NKAIN2: variants seen among roughly 807,000 people sequenced by gnomAD.
The protein encoded by NKAIN2 is sodium/potassium transporting ATPase interacting 2, also known as sodium/potassium-transporting ATPase subunit beta-1-interacting protein 2.
In NKAIN2, 14 loss-of-function variants were observed where a neutral mutation model predicts 32.6. The observed-to-expected ratio is 0.43, with a 90% CI of 0.28 to 0.67. NKAIN2 has a LOEUF of 0.67. NKAIN2 is among the 30% of genes least tolerant of loss of function. The probability of loss-of-function intolerance (pLI) is 0.17; values close to 1 mark genes in which losing one functional copy is unlikely to be tolerated. For missense variants in NKAIN2, 198 were observed against 258.3 expected (o/e 0.77, Z 1.60); for synonymous variants, 80 against 87.2 (o/e 0.92, Z 0.46).
In NKAIN2 at chr6:123,956,816, G is replaced by T. The variant is rs116653634; in HGVS notation, c.54+152562G>T. 6.2e-3 allele frequency among the ~76,000 whole-genome samples: 942 copies of T among 152,304 alleles called. 8 individuals carry two copies. The highest frequency in any genetic ancestry group is 0.022 in the African/African-American group (906 of 41,564). The stretch of plus-strand genomic sequence containing the variant: ...AGAAATGATATAGCATTTGTTGCAA[G>T]AGCTCAAGCTAGCCTCTCTGTGAAT... On this transcript the variant is annotated intron_variant, in intron 1 of 6. Coordinates refer to ENST00000368417, the MANE Select transcript of NKAIN2 (RefSeq NM_001040214.3).
At chr6:124,809,061 G>A (rs1352143379) in intron 5 of NKAIN2, among the ~76,000 whole-genome samples, 1 of 152,148 alleles carries the variant, frequency 6.6e-6, no homozygotes, top group Non-Finnish European at 1.5e-5. Flanking sequence ...TACTGCCCAA[G>A]GTAATTTACA....
intron 3 of NKAIN2, among the ~76,000 whole-genome samples, chr6:124,565,228 A>G (rs1780865475): frequency 6.6e-6 from 1 of 152,200 alleles, no homozygotes; most frequent in Admixed American, 6.5e-5. Flanking sequence ...AATGAGCACA[A>G]ACTAATTGGA....
chr6:123,980,162 A>G (rs1020634750), intron 1 of NKAIN2, among the ~76,000 whole-genome samples: 9 of 152,224 alleles, frequency 5.9e-5, no homozygotes, highest in Admixed American at 5.9e-4. Flanking sequence ...TATAGAAGCC[A>G]GAATTCTTCT....
At chr6:124,616,715 C>T (rs1042416036) in intron 3 of NKAIN2, among the ~76,000 whole-genome samples, 2 of 151,712 alleles carry the variant, frequency 1.3e-5, no homozygotes, top group Non-Finnish European at 2.9e-5. Flanking sequence ...CTACCCGCCT[C>T]GGCCTCCCAA....
At chr6:124,787,433 CA>C (rs1159234214) in intron 4 of NKAIN2, among the ~76,000 whole-genome samples, 1 of 151,648 alleles carries the variant, frequency 6.6e-6, no homozygotes, top group Non-Finnish European at 1.5e-5. Context: ...AAAACAAATG[CA>C]AAAAAAGAAT....
chr6:124,459,579 A>G (rs1017256), intron 3 of NKAIN2, among the ~76,000 whole-genome samples: 64,085 of 151,642 alleles, frequency 0.42, 15,298 homozygotes, highest in South Asian at 0.6. Flanking sequence ...AATTTTACTT[A>G]TAACAGGTAT....
intron 1 of NKAIN2, among the ~76,000 whole-genome samples, chr6:124,275,359 TATG>T (rs2114893903): frequency 6.6e-6 from 1 of 152,272 alleles, no homozygotes; most frequent in Non-Finnish European, 1.5e-5. Flanking sequence ...AAATGCCATG[TATG>T]ATATTTCAGT....
intron 3 of NKAIN2, among the ~76,000 whole-genome samples, chr6:124,566,577 T>G (rs988452687): frequency 1.3e-5 from 2 of 152,184 alleles, no homozygotes; most frequent in African/African-American, 4.8e-5. Flanking sequence ...CACCACTGTT[T>G]ACTAAAATGT....
intron 3 of NKAIN2, among the ~76,000 whole-genome samples, chr6:124,522,055 ACT>A (rs1290223015): frequency 2.0e-5 from 3 of 150,556 alleles, no homozygotes; most frequent in African/African-American, 7.3e-5. Context: ...TTGGCCTTCT[ACT>A]CTCTGTATTT....
chr6:123,929,341 T>C (rs990428634), intron 1 of NKAIN2, among the ~76,000 whole-genome samples: 2 of 152,078 alleles, frequency 1.3e-5, no homozygotes, highest in African/African-American at 4.8e-5. Flanking sequence ...TCAACCTCCC[T>C]GAGTCTCTCT....
At chr6:124,086,105 T>C (rs1784178785) in intron 1 of NKAIN2, among the ~76,000 whole-genome samples, 1 of 151,954 alleles carries the variant, frequency 6.6e-6, no homozygotes, top group Admixed American at 6.6e-5. Flanking sequence ...TAAAGAAATT[T>C]TCATTCTCCA....
chr6:124,300,551 C>T (rs1467683901), intron 2 of NKAIN2, among the ~76,000 whole-genome samples: 1 of 152,136 alleles, frequency 6.6e-6, no homozygotes, highest in Non-Finnish European at 1.5e-5. Context: ...GGGTAACGGG[C>T]AGAGTTTGGA....
At chr6:123,977,227 T>A (rs962498926) in intron 1 of NKAIN2, among the ~76,000 whole-genome samples, 3 of 152,156 alleles carry the variant, frequency 2.0e-5, no homozygotes, top group African/African-American at 7.2e-5. Context: ...AATATTGACT[T>A]TAAATCAGTA....
At chr6:124,410,701 G>A (rs1196528384) in intron 3 of NKAIN2, among the ~76,000 whole-genome samples, 1 of 152,166 alleles carries the variant, frequency 6.6e-6, no homozygotes, top group Admixed American at 6.5e-5. Context: ...TTCTGTAGAT[G>A]TCTATTAGGT....
chr6:124,503,803 G>A (rs1182714240), intron 3 of NKAIN2, among the ~76,000 whole-genome samples: 1 of 152,126 alleles, frequency 6.6e-6, no homozygotes. Flanking sequence ...AGATTTCTGT[G>A]TGCTTTTTCA....
At chr6:124,604,094 G>A (rs1045047885) in intron 3 of NKAIN2, among the ~76,000 whole-genome samples, 3 of 152,008 alleles carry the variant, frequency 2.0e-5, no homozygotes, top group Non-Finnish European at 2.9e-5. Context: ...CAGGAGCAAA[G>A]TATTAAGCAG....
chr6:124,797,078 G>A (rs896128486), intron 5 of NKAIN2, among the ~76,000 whole-genome samples: 1 of 150,660 alleles, frequency 6.6e-6, no homozygotes, highest in Non-Finnish European at 1.5e-5. Flanking sequence ...GATAGAATCA[G>A]GAACTGTCCT....
intron 5 of NKAIN2, among the ~76,000 whole-genome samples, chr6:124,808,267 A>G (rs1780693912): frequency 6.6e-6 from 1 of 151,482 alleles, no homozygotes; most frequent in East Asian, 1.9e-4. Flanking sequence ...CCAGCAGCAC[A>G]TCAAAAAGCT....
intron 1 of NKAIN2, among the ~76,000 whole-genome samples, chr6:123,987,695 C>T (rs984917465): frequency 6.6e-6 from 1 of 152,140 alleles, no homozygotes; most frequent in Non-Finnish European, 1.5e-5. Context: ...TTAGAAACAA[C>T]CTGAATTCCT....
Sources: gnomAD v4.1 joint callset for allele counts (sites outside exome capture counted in the v4.1 genomes callset) on GRCh38, gnomAD v4.1.1 for gene constraint, MANE v1.5 for transcripts, NCBI Gene and HGNC (gene_info 2026-07-23, HGNC 2026-07-21) for gene names.